Variants in P2RY14 observed in about 807,000 individuals in gnomAD.
P2RY14 encodes the protein purinergic receptor P2Y14.
In P2RY14, 2 loss-of-function variants were observed where a neutral mutation model predicts 0.9. The observed-to-expected ratio is 2.16, with a 90% CI of 0.88 to 6.79. The LOEUF is 6.79. Ranked by LOEUF, P2RY14 falls within the 30% of genes most tolerant of loss-of-function variation. P2RY14 has a pLI of 0.05. For synonymous variants in P2RY14, 158 were observed against 147.2 expected (o/e 1.07, Z -0.53); for missense variants, 378 against 400.1 (o/e 0.94, Z 0.47).
chr3:151,213,307 G>A lies in P2RY14; in HGVS notation c.1010C>T (p.Thr337Ile), dbSNP rs1042409361. Residue 337 changes from threonine to isoleucine, a missense_variant, in exon 3 of 3, where the codon ACT (threonine) becomes ATT (isoleucine). By Grantham distance (89) the Thr-to-Ile change is moderately conservative. Coordinates refer to ENST00000309170, the MANE Select transcript of P2RY14 (RefSeq NM_014879.4). ...RGNTTLESTD[T>I]L ...TTGGAAGAGGGTAGGAACTCACAAA[G>A]TATCTGTGCTTTCAAGTGTTGTATT... is the stretch of plus-strand genomic sequence containing the variant. The A allele has an allele frequency of 4.4e-6, 7 of 1,604,332 alleles. No individual in the cohort carries two copies. The African/African-American group carries it at 8.1e-5, about 18-fold the overall frequency.
intron 1 of P2RY14, among the ~76,000 whole-genome samples, chr3:151,239,178 A>G (rs1733563660): frequency 6.6e-6 from 1 of 152,236 alleles, no homozygotes; most frequent in African/African-American, 2.4e-5. Flanking sequence ...AATGTATTTT[A>G]TCTACATGAC....
chr3:151,252,239 C>T (rs1005315338), intron 1 of P2RY14, among the ~76,000 whole-genome samples: 9 of 152,138 alleles, frequency 5.9e-5, no homozygotes, highest in African/African-American at 2.2e-4. Context: ...TTATTAGTAA[C>T]CTTCTGTATT....
At chr3:151,277,224 A>G (rs569658237) in intron 1 of P2RY14, among the ~76,000 whole-genome samples, 83 of 151,110 alleles carry the variant, frequency 5.5e-4, no homozygotes, top group African/African-American at 2.0e-3. Context: ...TTTTTTTTCC[A>G]GACATGACAA....
chr3:151,235,891 G>A (rs754058117), intron 1 of P2RY14, among the ~76,000 whole-genome samples: 18 of 151,874 alleles, frequency 1.2e-4, no homozygotes, highest in African/African-American at 3.9e-4. Flanking sequence ...CCCCTATGTC[G>A]CATTCTCTAG....
At chr3:151,238,314 T>C (rs1461585009) in intron 1 of P2RY14, among the ~76,000 whole-genome samples, 2 of 152,094 alleles carry the variant, frequency 1.3e-5, no homozygotes, top group East Asian at 3.9e-4. Context: ...GGCCGGCTAA[T>C]TTTTGCATTT....
chr3:151,237,088 G>C (rs1407923779), intron 1 of P2RY14, among the ~76,000 whole-genome samples: 1 of 123,428 alleles, frequency 8.1e-6, no homozygotes, highest in African/African-American at 3.2e-5. Context: ...TCGCTCTGTT[G>C]CCCAGGCTGG....
intron 1 of P2RY14, among the ~76,000 whole-genome samples, chr3:151,237,341 T>C (rs1325474624): frequency 1.6e-5 from 1 of 63,056 alleles, no homozygotes; most frequent in Non-Finnish European, 3.4e-5. Context: ...CCTGGCTTTT[T>C]TTTTTTTTCT....
intron 1 of P2RY14, among the ~76,000 whole-genome samples, chr3:151,261,786 A>G (rs1265885707): frequency 6.6e-6 from 1 of 152,078 alleles, no homozygotes; most frequent in Non-Finnish European, 1.5e-5. Flanking sequence ...GTGCAGTGGT[A>G]TGATCTTGGC....
intron 1 of P2RY14, among the ~76,000 whole-genome samples, chr3:151,236,513 G>A (rs1176117837): frequency 1.3e-5 from 2 of 152,152 alleles, no homozygotes; most frequent in Non-Finnish European, 2.9e-5. Context: ...CGAAAGCCAA[G>A]ACCTTGACAG....
chr3:151,258,749 G>A (rs558297821), intron 1 of P2RY14, among the ~76,000 whole-genome samples: 2 of 151,880 alleles, frequency 1.3e-5, no homozygotes, highest in East Asian at 3.9e-4. Flanking sequence ...CTGCTTGGGA[G>A]GCTGAGGCAG....
chr3:151,246,755 C>T (rs1468968127), intron 1 of P2RY14, among the ~76,000 whole-genome samples: 1 of 152,098 alleles, frequency 6.6e-6, no homozygotes, highest in Non-Finnish European at 1.5e-5. Context: ...GCCACAAAAG[C>T]CAAAATTGAC....
chr3:151,232,637 G>A (rs1391983770), intron 1 of P2RY14, among the ~76,000 whole-genome samples: 1 of 152,190 alleles, frequency 6.6e-6, no homozygotes, highest in African/African-American at 2.4e-5. Flanking sequence ...TGTCTTGTGG[G>A]AATATGGATG....
intron 1 of P2RY14, among the ~76,000 whole-genome samples, chr3:151,260,531 A>G (rs1332882069): frequency 1.3e-5 from 2 of 151,962 alleles, no homozygotes; most frequent in African/African-American, 4.8e-5. Flanking sequence ...TATATTTTTC[A>G]TAGAGATAGG....
intron 1 of P2RY14, among the ~76,000 whole-genome samples, chr3:151,252,402 C>G (rs762582158): frequency 6.6e-6 from 1 of 152,144 alleles, no homozygotes; most frequent in Admixed American, 6.6e-5. Context: ...ATTGCAACTT[C>G]TGGCATAAAT....
chr3:151,270,666 A>G (rs978158592), intron 1 of P2RY14, among the ~76,000 whole-genome samples: 1 of 152,178 alleles, frequency 6.6e-6, no homozygotes, highest in Non-Finnish European at 1.5e-5. Flanking sequence ...AAGGTCAGCA[A>G]AGGGTGAGTT....
intron 1 of P2RY14, among the ~76,000 whole-genome samples, chr3:151,267,905 C>T (rs1447530716): frequency 1.3e-5 from 2 of 152,038 alleles, no homozygotes; most frequent in African/African-American, 4.8e-5. Flanking sequence ...TTTCTTTGTA[C>T]GTAGAGTATT....
At chr3:151,225,030 C>T (rs1730213313) in intron 1 of P2RY14, among the ~76,000 whole-genome samples, 1 of 152,158 alleles carries the variant, frequency 6.6e-6, no homozygotes, top group Non-Finnish European at 1.5e-5. Flanking sequence ...TTAATTCTCT[C>T]TGTCATCAGC....
At chr3:151,229,305 C>CTTTTT (rs35097589) in intron 1 of P2RY14, among the ~76,000 whole-genome samples, 2 of 112,516 alleles carry the variant, frequency 1.8e-5, no homozygotes, top group African/African-American at 3.7e-5. Context: ...TTCAGCAATT[C>CTTTTT]TTTTTTTTTT....
chr3:151,218,833 C>G (rs1577005883), intron 2 of P2RY14, among the ~76,000 whole-genome samples: 1 of 127,866 alleles, frequency 7.8e-6, no homozygotes, highest in South Asian at 2.6e-4. Context: ...CACCATTGCA[C>G]TCCAGCCTGG....
Sources: allele counts gnomAD v4.1 joint callset (sites outside exome capture counted in the v4.1 genomes callset), GRCh38; gene constraint gnomAD v4.1.1; transcripts MANE v1.5; gene names NCBI Gene and HGNC (gene_info 2026-07-23, HGNC 2026-07-21).